Variants in MMP16 observed in about 807,000 individuals in gnomAD.
The protein encoded by MMP16 is matrix metallopeptidase 16.
In MMP16, 12 loss-of-function variants were observed where a neutral mutation model predicts 67.8. That is an observed-to-expected ratio of 0.18 (90% CI 0.11 to 0.29). MMP16 has a LOEUF of 0.29. MMP16 is among the 10% of genes least tolerant of loss of function. The probability of loss-of-function intolerance (pLI) is 1.00; values close to 1 mark genes in which losing one functional copy is unlikely to be tolerated. For synonymous variants in MMP16, 249 were observed against 255.9 expected (o/e 0.97, Z 0.26); for missense variants, 475 against 765.7 (o/e 0.62, Z 4.48).
chr8:88,164,435 T>C (rs573332550), intron 4 of MMP16, among the ~76,000 whole-genome samples: 2 of 152,210 alleles, frequency 1.3e-5, no homozygotes, highest in Non-Finnish European at 2.9e-5. Flanking sequence ...TAGCCACCAG[T>C]ACCACAAGCA....
chr8:88,158,097 G>C (rs1280312549), intron 4 of MMP16, among the ~76,000 whole-genome samples: 1 of 152,104 alleles, frequency 6.6e-6, no homozygotes, highest in Non-Finnish European at 1.5e-5. Flanking sequence ...TTGGTTCCAA[G>C]TCTTTGCTAT....
chr8:88,208,806 T>C (rs542864625), intron 1 of MMP16, among the ~76,000 whole-genome samples: 22 of 123,082 alleles, frequency 1.8e-4, no homozygotes, highest in African/African-American at 5.5e-4. Context: ...ATGAAAGAGG[T>C]TGTAGATATG....
At chr8:88,209,682 T>C (rs1288452546) in intron 1 of MMP16, among the ~76,000 whole-genome samples, 4 of 9,048 alleles carry the variant, frequency 4.4e-4, no homozygotes, top group Non-Finnish European at 1.1e-3. Flanking sequence ...ACTCTCTCTA[T>C]GTATGTAACT....
chr8:88,049,932 G>C (rs916795258), intron 8 of MMP16, among the ~76,000 whole-genome samples: 1 of 152,170 alleles, frequency 6.6e-6, no homozygotes, highest in Non-Finnish European at 1.5e-5. Flanking sequence ...GGCTGAGGTG[G>C]GAGGATCTGT....
intron 1 of MMP16, among the ~76,000 whole-genome samples, chr8:88,243,449 G>T (rs1810062026): frequency 6.6e-6 from 1 of 152,124 alleles, no homozygotes; most frequent in South Asian, 2.1e-4. Flanking sequence ...TGCAATGATA[G>T]GGACAGTAGT....
At chr8:88,069,019 C>A (rs1401704976) in intron 7 of MMP16, among the ~76,000 whole-genome samples, 1 of 152,056 alleles carries the variant, frequency 6.6e-6, no homozygotes, top group Non-Finnish European at 1.5e-5. Context: ...AGTAGCATTT[C>A]CAAAGTGGTT....
chr8:88,120,163 A>G (rs1457439352), intron 4 of MMP16, among the ~76,000 whole-genome samples: 1 of 151,942 alleles, frequency 6.6e-6, no homozygotes, highest in Non-Finnish European at 1.5e-5. Flanking sequence ...TCTAGGGAAC[A>G]TCATAGTCAT....
intron 1 of MMP16, among the ~76,000 whole-genome samples, chr8:88,229,322 C>T (rs971983781): frequency 8.6e-5 from 13 of 151,772 alleles, no homozygotes; most frequent in African/African-American, 1.9e-4. Flanking sequence ...GTGAGATGAC[C>T]GCATTCAATG....
intron 6 of MMP16, among the ~76,000 whole-genome samples, chr8:88,088,677 C>T (rs988465960): frequency 1.3e-5 from 2 of 151,988 alleles, no homozygotes; most frequent in Non-Finnish European, 2.9e-5. Context: ...TTTCGCTGTC[C>T]CTGTGTGGCT....
intron 1 of MMP16, among the ~76,000 whole-genome samples, chr8:88,272,790 T>G (rs1810585439): frequency 6.6e-6 from 1 of 152,146 alleles, no homozygotes; most frequent in African/African-American, 2.4e-5. Flanking sequence ...CAGAGATGTT[T>G]TGTAAGCACA....
At chr8:88,234,404 A>G (rs985491388) in intron 1 of MMP16, among the ~76,000 whole-genome samples, 1 of 152,240 alleles carries the variant, frequency 6.6e-6, no homozygotes, top group Non-Finnish European at 1.5e-5. Context: ...AAATCAAGTG[A>G]ACACAATTAC....
At chr8:88,186,245 T>C (rs551625519) in intron 3 of MMP16, 1 of 379,106 alleles carries the variant, frequency 2.6e-6, no homozygotes, top group East Asian at 4.0e-5. Flanking sequence ...TTGACATTTA[T>C]TCAAGAAGCT....
At chr8:88,180,276 C>T (rs1381596239) in intron 3 of MMP16, among the ~76,000 whole-genome samples, 4 of 149,110 alleles carry the variant, frequency 2.7e-5, no homozygotes, top group Non-Finnish European at 4.4e-5. Context: ...AGTGAAACTC[C>T]GTCTCAAAAA....
intron 6 of MMP16, among the ~76,000 whole-genome samples, chr8:88,096,305 C>T (rs1293161729): frequency 2.6e-5 from 4 of 151,832 alleles, no homozygotes; most frequent in Non-Finnish European, 5.9e-5. Flanking sequence ...ACTGGCTGGC[C>T]TTCAGAGTTT....
At chr8:88,188,535 A>G (rs77189162) in intron 2 of MMP16, among the ~76,000 whole-genome samples, 2,366 of 152,314 alleles carry the variant, frequency 0.016, 28 homozygotes, top group Middle Eastern at 0.034. Context: ...CAATGAGGGT[A>G]TAGTCTCTAA....
intron 1 of MMP16, among the ~76,000 whole-genome samples, chr8:88,324,583 GCT>G: frequency 6.6e-6 from 1 of 152,180 alleles, no homozygotes; most frequent in Middle Eastern, 3.4e-3. Flanking sequence ...GATCATATGA[GCT>G]TCATGCATGA....
At chr8:88,146,040 C>A (rs1039787605) in intron 4 of MMP16, among the ~76,000 whole-genome samples, 3 of 151,976 alleles carry the variant, frequency 2.0e-5, no homozygotes, top group Non-Finnish European at 4.4e-5. Context: ...TTTTTAATAT[C>A]ATCTTTCCCA....
intron 4 of MMP16, among the ~76,000 whole-genome samples, chr8:88,130,210 T>C (rs917709325): frequency 1.3e-5 from 2 of 151,782 alleles, no homozygotes; most frequent in Non-Finnish European, 2.9e-5. Context: ...CAGTCAAAAT[T>C]AGCGAGGATT....
chr8:88,108,017 C>T (rs377099124), intron 6 of MMP16, among the ~76,000 whole-genome samples: 1 of 150,576 alleles, frequency 6.6e-6, no homozygotes, highest in Non-Finnish European at 1.5e-5. Flanking sequence ...ATTATTATTC[C>T]AATATATGTG....
Sources: gnomAD v4.1 joint callset for allele counts (sites outside exome capture counted in the v4.1 genomes callset) on GRCh38, gnomAD v4.1.1 for gene constraint, MANE v1.5 for transcripts, NCBI Gene and HGNC (gene_info 2026-07-23, HGNC 2026-07-21) for gene names.